TLK2: variants seen among roughly 807,000 people sequenced by gnomAD.
The protein encoded by TLK2 is tousled like kinase 2.
TLK2 carries 6 observed loss-of-function variants against 117.3 expected under a neutral mutation model. That is an observed-to-expected ratio of 0.05 (90% CI 0.03 to 0.10). TLK2 has a LOEUF of 0.10. TLK2 is among the 10% of genes least tolerant of loss of function. TLK2 has a pLI of 1.00. For synonymous variants in TLK2, 257 were observed against 316.7 expected, an observed-to-expected ratio of 0.81 and a Z score of 2.00; for missense variants, 299 against 901.2, an observed-to-expected ratio of 0.33 and a Z score of 8.56.
intron 2 of TLK2, among the ~76,000 whole-genome samples, chr17:62,512,953 A>G (rs1422008368): frequency 6.6e-6 from 1 of 150,768 alleles, no homozygotes; most frequent in Non-Finnish European, 1.5e-5. Flanking sequence ...ATCTCAGCTC[A>G]TTGCAACCTC....
intron 7 of TLK2, among the ~76,000 whole-genome samples, chr17:62,549,437 A>AG (rs2078259930): frequency 7.9e-6 from 1 of 126,392 alleles, no homozygotes; most frequent in Non-Finnish European, 1.7e-5. Context: ...AAAAAAAAAA[A>AG]TAGAAACACA....
intron 1 of TLK2, among the ~76,000 whole-genome samples, chr17:62,472,974 C>T (rs2070969664): frequency 2.0e-5 from 3 of 152,174 alleles, no homozygotes; most frequent in African/African-American, 7.2e-5. Flanking sequence ...CAAATTCACA[C>T]ACCACACCAC....
At position 62,530,300 on chromosome 17, in the gene TLK2, A is replaced by C. The variant is rs146127222; in HGVS notation, c.364-5870A>C. On this transcript the variant is annotated intron_variant, in intron 6 of 21. Transcript: ENST00000346027. ...AACAAACAAACAAACAAACAAACAA[A>C]AAACAACATTTAAAAATTAGCCAGG... 2.6e-3 allele frequency among the ~76,000 whole-genome samples: 393 copies of C among 151,760 alleles called. 1 individual carries two copies. Among genetic ancestry groups the C allele is most frequent in the African/African-American group, 9.3e-3 (384 of 41,192 alleles).
rs377083407 is a variant in TLK2 at position 62,483,910 on chromosome 17, C to T, written c.81+2704C>T. Reference sequence around the variant, plus strand: ...GCACAATCTCGGCGCACTGCAATCTCTGCCTCCCGGGTTCAAGCTATTCTC... The same window carrying T: ...GCACAATCTCGGCGCACTGCAATCTTTGCCTCCCGGGTTCAAGCTATTCTC... On this transcript the variant is annotated intron_variant, in intron 2 of 21. Coordinates refer to ENST00000346027, the MANE Select transcript of TLK2 (RefSeq NM_006852.6). Among the ~76,000 whole-genome samples, 61 of 152,224 alleles carry T rather than the reference C, an allele frequency of 4.0e-4. 1 individual carries two copies. The East Asian group carries it at 8.1e-3, about 20-fold the overall frequency.
intron 16 of TLK2, among the ~76,000 whole-genome samples, chr17:62,591,053 C>T (rs748544413): frequency 5.3e-5 from 8 of 152,074 alleles, no homozygotes; most frequent in Non-Finnish European, 1.0e-4. Context: ...AGTTTGAGAC[C>T]AGCCTGGCCA....
At chr17:62,474,091 T>G (rs1217694898), upstream of TLK2, among the ~76,000 whole-genome samples, 4 of 152,108 alleles carry the variant, frequency 2.6e-5, no homozygotes, top group African/African-American at 2.4e-5. Context: ...TTAATTATTA[T>G]TTTTTGAGAC....
intron 2 of TLK2, among the ~76,000 whole-genome samples, chr17:62,508,776 T>A (rs2074921198): frequency 2.0e-5 from 3 of 152,172 alleles, no homozygotes; most frequent in African/African-American, 7.2e-5. Flanking sequence ...GAGACCAGCC[T>A]GGGCAACATG....
At position 62,572,023 on chromosome 17, in the gene TLK2, A is replaced by G. The variant is rs139161030; in HGVS notation, c.969-1192A>G. 3.4e-3 allele frequency among the ~76,000 whole-genome samples: 523 copies of G among 152,014 alleles called. 6 individuals carry two copies. The highest frequency in any genetic ancestry group is 0.012 in the African/African-American group (507 of 41,462). ...TCTCTACTAAAACAATACAAAAATT[A>G]ACTGGGCATGGTGGCGCACACCTGT... On this transcript the variant is annotated intron_variant, in intron 11 of 21. Transcript: ENST00000346027.
chr17:62,507,561 T>G (rs572777407), intron 2 of TLK2: 1 of 152,296 alleles, frequency 6.6e-6, no homozygotes, highest in Non-Finnish European at 1.5e-5. Context: ...CAGCTATGCT[T>G]CTTTATACCT....
At chr17:62,551,603 G>C (rs1433590891) in intron 7 of TLK2, 1 of 152,384 alleles carries the variant, frequency 6.6e-6, no homozygotes, top group Non-Finnish European at 1.5e-5. Context: ...TACTCGGGAG[G>C]CTGAGGCAGG....
Position 62,613,475 on chromosome 17 carries a change from T to C in TLK2, c.*910T>C, listed in dbSNP as rs2083930412. On this transcript the variant is annotated 3_prime_UTR_variant, in exon 22 of 22. Coordinates refer to ENST00000346027, the MANE Select transcript of TLK2 (RefSeq NM_006852.6). ...GAAGTGCTATTTTTTTAAATAAAGGTTCATCTGTCCATGCAGTCCTCTTGG... is the reference window on the plus strand; with the variant it reads ...GAAGTGCTATTTTTTTAAATAAAGGCTCATCTGTCCATGCAGTCCTCTTGG... 6.6e-6 allele frequency: 1 copy of C among 152,612 alleles called. No homozygotes were observed. Among genetic ancestry groups the C allele is most frequent in the Non-Finnish European group, 1.5e-5 (1 of 68,026 alleles). The allele number at this position is 152,612 out of a possible 1,614,324, so 9.5% of individuals were successfully genotyped here.
At chr17:62,548,734 T>TTTTTTTA (rs1261309921) in intron 7 of TLK2, among the ~76,000 whole-genome samples, 2 of 151,940 alleles carry the variant, frequency 1.3e-5, no homozygotes, top group Non-Finnish European at 2.9e-5. Flanking sequence ...ATTTGATTCT[T>TTTTTTTA]TTTTTTATTT....
chr17:62,472,100 G>T (rs1336924621), intron 1 of TLK2, among the ~76,000 whole-genome samples: 1 of 151,136 alleles, frequency 6.6e-6, no homozygotes. Flanking sequence ...TAGAGACGGG[G>T]TTTCACCGTG....
At chr17:62,503,534 C>T (rs1224624743) in intron 2 of TLK2, among the ~76,000 whole-genome samples, 1 of 151,138 alleles carries the variant, frequency 6.6e-6, no homozygotes, top group East Asian at 2.0e-4. Context: ...TCTCATGCCT[C>T]AGCCACCCTA....
At chr17:62,497,123 T>G (rs945028377) in intron 2 of TLK2, among the ~76,000 whole-genome samples, 1 of 152,020 alleles carries the variant, frequency 6.6e-6, no homozygotes. Context: ...CCAGGCATGG[T>G]GGCGTGTGCC....
chr17:62,596,437 A>G (rs1198026963), intron 16 of TLK2, 148 bp from the exon 17 acceptor site: 4 of 602,780 alleles, frequency 6.6e-6, no homozygotes, highest in Non-Finnish European at 8.8e-6. Context: ...ATGAGCAAAG[A>G]GAAAAGTCAG....
At chr17:62,608,659 G>A (rs117142841) in intron 21 of TLK2, among the ~76,000 whole-genome samples, 259 of 152,254 alleles carry the variant, frequency 1.7e-3, no homozygotes, top group Middle Eastern at 3.4e-3. Flanking sequence ...GGAGACCTTA[G>A]GAAACTTAGG....
chr17:62,541,796 T>G (rs1567882150), intron 7 of TLK2, among the ~76,000 whole-genome samples: 1 of 151,744 alleles, frequency 6.6e-6, no homozygotes, highest in South Asian at 2.1e-4. Flanking sequence ...AGCTAGAGAT[T>G]GCACCACTGC....
At chr17:62,563,733 GT>G (rs918173099) in intron 10 of TLK2, among the ~76,000 whole-genome samples, 6 of 152,096 alleles carry the variant, frequency 3.9e-5, no homozygotes, top group African/African-American at 1.4e-4. Flanking sequence ...GTGAACACCA[GT>G]TTTTTTCTAT....
Sources: gnomAD v4.1 joint callset for allele counts (sites outside exome capture counted in the v4.1 genomes callset) on GRCh38, gnomAD v4.1.1 for gene constraint, MANE v1.5 for transcripts, NCBI Gene and HGNC (gene_info 2026-07-23, HGNC 2026-07-21) for gene names.